The following CILK1 variants were observed in gnomAD, a reference collection of about 807,000 sequenced individuals.
CILK1 encodes the protein ciliogenesis associated kinase 1, also known as serine/threonine-protein kinase ICK.
CILK1 carries 47 observed loss-of-function variants against 79.2 expected under a neutral mutation model. The observed-to-expected ratio is 0.59, with a 90% CI of 0.47 to 0.76. The LOEUF is 0.76. CILK1 is among the 30% of genes least tolerant of loss of function. The probability of loss-of-function intolerance (pLI) is 0.00; values close to 1 mark genes in which losing one functional copy is unlikely to be tolerated. For synonymous variants in CILK1, 266 were observed against 275.9 expected (o/e 0.96, Z 0.36); for missense variants, 660 against 769.5 (o/e 0.86, Z 1.68).
At chr6:53,049,119 C>A (rs1367721696) in intron 1 of CILK1, among the ~76,000 whole-genome samples, 1 of 152,176 alleles carries the variant, frequency 6.6e-6, no homozygotes, top group Non-Finnish European at 1.5e-5. Flanking sequence ...CTGCTTGAAC[C>A]CTGAAAATAT....
chr6:53,035,048 GC>G (rs1478164197), intron 3 of CILK1, among the ~76,000 whole-genome samples: 1 of 152,176 alleles, frequency 6.6e-6, no homozygotes, highest in African/African-American at 2.4e-5. Flanking sequence ...GGAGAAGTGG[GC>G]AGGGCGCAAA....
At chr6:53,039,858 G>A (rs1003096852) in intron 2 of CILK1, among the ~76,000 whole-genome samples, 12 of 152,162 alleles carry the variant, frequency 7.9e-5, no homozygotes, top group Admixed American at 5.9e-4. Flanking sequence ...AAATGGTAAT[G>A]GGTTGAATGG....
intron 9 of CILK1, among the ~76,000 whole-genome samples, chr6:53,012,883 T>A (rs1196515937): frequency 6.6e-6 from 1 of 152,150 alleles, no homozygotes; most frequent in Admixed American, 6.5e-5. Context: ...GCAAAGCTAA[T>A]AAAAAATAGA....
intron 5 of CILK1, among the ~76,000 whole-genome samples, chr6:53,030,047 A>G (rs144135351): frequency 0.015 from 2,280 of 152,354 alleles, 39 homozygotes; most frequent in East Asian, 0.063. Context: ...TACTCCAGGT[A>G]GTTGCTGGAA....
At chr6:53,050,812 A>G (rs936177405) in intron 1 of CILK1, among the ~76,000 whole-genome samples, 1 of 152,196 alleles carries the variant, frequency 6.6e-6, no homozygotes, top group Non-Finnish European at 1.5e-5. Context: ...TGGGCAACAG[A>G]GCGAGACCCT....
Position 53,046,845 on chromosome 6 carries a change from A to G in CILK1, c.-172-5437T>C, listed in dbSNP as rs1767110555. Among the ~76,000 whole-genome samples the G allele has an allele frequency of 2.0e-5, 3 of 152,280 alleles. No individual in the cohort carries two copies. The South Asian group carries it at 6.2e-4, about 32-fold the overall frequency. ...ATGAGAATGCAGTAGACAGCAACCA[A>G]CTCTTGGGAGGAGGAGAGAGATCTG... On this transcript the variant is annotated intron_variant, in intron 1 of 13. Coordinates refer to ENST00000676107, the MANE Select transcript of CILK1 (RefSeq NM_014920.5).
At chr6:53,045,247 C>T (rs549404071) in intron 1 of CILK1, among the ~76,000 whole-genome samples, 1 of 152,284 alleles carries the variant, frequency 6.6e-6, no homozygotes, top group African/African-American at 2.4e-5. Context: ...TCAGGCTGTG[C>T]CTTAACCCAA....
At chr6:53,008,702 G>A (rs1378419146) in intron 12 of CILK1, among the ~76,000 whole-genome samples, 2 of 152,186 alleles carry the variant, frequency 1.3e-5, no homozygotes, top group African/African-American at 4.8e-5. Context: ...AAAGTGCTGG[G>A]ATTACAGGCA....
intron 2 of CILK1, among the ~76,000 whole-genome samples, chr6:53,039,716 C>T (rs1373505838): frequency 6.6e-6 from 1 of 152,124 alleles, no homozygotes; most frequent in Non-Finnish European, 1.5e-5. Flanking sequence ...GTTCATGGAA[C>T]ACAAAGAACA....
chr6:53,020,886 T>C lies in CILK1; in HGVS notation c.359-1527A>G, dbSNP rs1765191777. Among the ~76,000 whole-genome samples the C allele has an allele frequency of 2.0e-5, 3 of 152,240 alleles. No homozygotes were observed. In the South Asian group the frequency reaches 6.2e-4, roughly 31 times the overall value. On this transcript the variant is annotated intron_variant, in intron 5 of 13. Transcript: ENST00000676107. ...CAACTGGATGTCACTATCATCCCTA[T>C]GTTAACTTATCCAAAACCACTTTTG...
chr6:53,017,865 C>A (rs1168730900), intron 7 of CILK1, among the ~76,000 whole-genome samples: 3 of 152,052 alleles, frequency 2.0e-5, no homozygotes, highest in Non-Finnish European at 4.4e-5. Flanking sequence ...ATGATCAGAC[C>A]ACAAATGAAA....
intron 5 of CILK1, among the ~76,000 whole-genome samples, chr6:53,022,394 T>C (rs1031371157): frequency 6.6e-6 from 1 of 152,234 alleles, no homozygotes; most frequent in African/African-American, 2.4e-5. Flanking sequence ...TTTCTATGTT[T>C]AGATACACAA....
chr6:53,053,246 G>A (rs1161579868), intron 1 of CILK1, among the ~76,000 whole-genome samples: 1 of 152,090 alleles, frequency 6.6e-6, no homozygotes, highest in African/African-American at 2.4e-5. Flanking sequence ...CTTGAGAAGT[G>A]AATGGAATGT....
chr6:53,031,229 C>T (rs913550906), intron 4 of CILK1, 85 bp from the exon 5 acceptor site: 33 of 862,780 alleles, frequency 3.8e-5, no homozygotes, highest in African/African-American at 3.8e-4. Context: ...TTTGTCCATA[C>T]AGGGGAGCTA....
chr6:53,051,260 C>CA (rs796541550), intron 1 of CILK1, among the ~76,000 whole-genome samples: 2 of 152,174 alleles, frequency 1.3e-5, no homozygotes, highest in Non-Finnish European at 2.9e-5. Flanking sequence ...GTATAAATAA[C>CA]AAAAAAAATT....
chr6:53,039,249 C>G (rs1766552301), intron 2 of CILK1, among the ~76,000 whole-genome samples: 1 of 152,142 alleles, frequency 6.6e-6, no homozygotes, highest in South Asian at 2.1e-4. Flanking sequence ...TTTTCTGTAC[C>G]AAGTGCTGTG....
intron 5 of CILK1, among the ~76,000 whole-genome samples, chr6:53,019,741 G>A (rs1224277770): frequency 6.6e-6 from 1 of 152,026 alleles, no homozygotes; most frequent in Non-Finnish European, 1.5e-5. Context: ...ATCATAGTTC[G>A]CTGCAGTCTG....
rs1763997534 is a variant in CILK1 at position 53,002,684 on chromosome 6, C to A, written c.*2465G>T. On this transcript the variant is annotated 3_prime_UTR_variant, in exon 14 of 14. Coordinates refer to ENST00000676107, the MANE Select transcript of CILK1 (RefSeq NM_014920.5). Reference sequence around the variant, plus strand: ...TTCAGTCCTCTAGTTTTCTCAACTGCACATCAGCTACTTGATTTTTTTTAT... The same window carrying A: ...TTCAGTCCTCTAGTTTTCTCAACTGAACATCAGCTACTTGATTTTTTTTAT... 6.6e-6 allele frequency: 1 copy of A among 152,146 alleles called. No individual in the cohort carries two copies. Among genetic ancestry groups the A allele is most frequent in the African/African-American group, 2.4e-5 (1 of 41,430 alleles). The allele number at this position is 152,146 out of a possible 1,614,324, so 9.4% of individuals were successfully genotyped here. A position where few individuals can be genotyped will look rare whatever the true frequency, so the allele number is the denominator to read the frequency against.
Position 53,011,918 on chromosome 6 carries a change from C to T in CILK1, c.1344-1G>A. On this transcript the variant is annotated splice_acceptor_variant, in intron 10 of 13. Transcript: ENST00000676107. LOFTEE classifies it high-confidence loss of function. ...CTTCAGGTCCAAAACACTCTCAAAC[C>T]TGAATGAAGAGAGCATGGCTTGGGT... 1 of 1,614,144 alleles carries T rather than the reference C, an allele frequency of 6.2e-7. No homozygotes were observed. The highest frequency in any genetic ancestry group is 8.5e-7 in the Non-Finnish European group (1 of 1,180,028).
Sources: allele counts gnomAD v4.1 joint callset (sites outside exome capture counted in the v4.1 genomes callset), GRCh38; gene constraint gnomAD v4.1.1; transcripts MANE v1.5; gene names NCBI Gene and HGNC (gene_info 2026-07-23, HGNC 2026-07-21).